EYS: variants seen among roughly 807,000 people sequenced by gnomAD.
The protein encoded by EYS is protein eyes shut homolog.
A neutral mutation model predicts 282.1 loss-of-function variants in EYS; 250 were observed. That is an observed-to-expected ratio of 0.89 (90% confidence interval 0.80 to 0.98). The LOEUF (loss-of-function observed/expected upper bound fraction) is 0.98, where lower values mean the gene tolerates loss of function less well. EYS is among the 50% of genes least tolerant of loss of function. The pLI, the probability that EYS is intolerant of heterozygous loss-of-function variation, is 0.00. For synonymous variants in EYS, 1,355 were observed against 1,282.9 expected, an observed-to-expected ratio of 1.06 and a Z score of -1.20; for missense variants, 4,016 against 3,709.0, an observed-to-expected ratio of 1.08 and a Z score of -2.15.
chr6:65,325,295 A>G (rs1009172488), intron 11 of EYS, among the ~76,000 whole-genome samples: 9 of 152,162 alleles, frequency 5.9e-5, no homozygotes, highest in African/African-American at 2.2e-4. Flanking sequence ...TGGTGAGGAT[A>G]GAGACAGCAA....
At chr6:64,669,739 A>G (rs1769376937) in intron 22 of EYS, among the ~76,000 whole-genome samples, 1 of 152,166 alleles carries the variant, frequency 6.6e-6, no homozygotes, top group Non-Finnish European at 1.5e-5. Flanking sequence ...TTATTTTCAG[A>G]ATGTTGAGAG....
chr6:65,677,155 G>C (rs1768645346), intron 1 of EYS, among the ~76,000 whole-genome samples: 1 of 145,842 alleles, frequency 6.9e-6, no homozygotes, highest in Non-Finnish European at 1.5e-5. Flanking sequence ...GTAAGATCAG[G>C]GATAAGGCAA....
At chr6:65,060,193 A>G (rs1427377863) in intron 12 of EYS, among the ~76,000 whole-genome samples, 1 of 151,682 alleles carries the variant, frequency 6.6e-6, no homozygotes, top group East Asian at 1.9e-4. Flanking sequence ...ATGATCTTAG[A>G]CATCAGGAGG....
At chr6:65,063,735 A>AT (rs1005702744) in intron 12 of EYS, among the ~76,000 whole-genome samples, 1 of 151,934 alleles carries the variant, frequency 6.6e-6, no homozygotes, top group Non-Finnish European at 1.5e-5. Context: ...TGTTATTCAA[A>AT]TTTTTTTCTT....
chr6:64,769,984 T>C (rs187442348), intron 22 of EYS, among the ~76,000 whole-genome samples: 252 of 152,092 alleles, frequency 1.7e-3, no homozygotes, highest in Middle Eastern at 6.8e-3. Flanking sequence ...AATATAAATA[T>C]TCATTTATTA....
chr6:64,602,757 G>A (rs1314503053), intron 24 of EYS, among the ~76,000 whole-genome samples: 1 of 151,940 alleles, frequency 6.6e-6, no homozygotes, highest in Non-Finnish European at 1.5e-5. Context: ...CCCCTTTTCC[G>A]AGATCTTTCA....
At chr6:65,206,148 C>T (rs1408272544) in intron 12 of EYS, among the ~76,000 whole-genome samples, 3 of 151,108 alleles carry the variant, frequency 2.0e-5, no homozygotes, top group Non-Finnish European at 4.4e-5. Flanking sequence ...GATAGTTTAA[C>T]CAAAAAAAGA....
At chr6:65,594,961 A>T (rs1254899685) in intron 2 of EYS, among the ~76,000 whole-genome samples, 1 of 152,034 alleles carries the variant, frequency 6.6e-6, no homozygotes, top group Non-Finnish European at 1.5e-5. Context: ...TTTGCCAAAG[A>T]TCAGGTGGTT....
chr6:64,214,099 T>C (rs1765860632), intron 31 of EYS, among the ~76,000 whole-genome samples: 2 of 152,168 alleles, frequency 1.3e-5, no homozygotes, highest in Non-Finnish European at 2.9e-5. Context: ...TCTTAAGTTT[T>C]AACCTAGAAA....
At chr6:64,088,129 A>T (rs1772222076) in intron 31 of EYS, among the ~76,000 whole-genome samples, 1 of 152,086 alleles carries the variant, frequency 6.6e-6, no homozygotes. Context: ...CACCGTGTTT[A>T]GTGGATATGT....
intron 26 of EYS, among the ~76,000 whole-genome samples, chr6:64,511,861 T>G (rs931925052): frequency 1.3e-5 from 2 of 152,054 alleles, no homozygotes; most frequent in African/African-American, 2.4e-5. Context: ...GAACTTAGTT[T>G]TGAAAATCAG....
At chr6:63,760,696 CTA>C (rs1769615954) in intron 41 of EYS, among the ~76,000 whole-genome samples, 1 of 136,394 alleles carries the variant, frequency 7.3e-6, no homozygotes, top group South Asian at 2.3e-4. Context: ...ATCTATCTAT[CTA>C]TCTAATCTTC....
At chr6:65,324,692 T>C (rs1185802192) in intron 11 of EYS, among the ~76,000 whole-genome samples, 1 of 152,220 alleles carries the variant, frequency 6.6e-6, no homozygotes, top group Non-Finnish European at 1.5e-5. Flanking sequence ...TGATTGTACA[T>C]AAGTAACCTG....
At chr6:64,086,640 A>C (rs141577071) in intron 31 of EYS, among the ~76,000 whole-genome samples, 1,663 of 152,194 alleles carry the variant, frequency 0.011, 25 homozygotes, top group African/African-American at 0.038. Flanking sequence ...ATTCTCCCAA[A>C]TTTGAACTCC....
chr6:64,505,746 A>T (rs528442946), intron 26 of EYS, among the ~76,000 whole-genome samples: 3 of 152,368 alleles, frequency 2.0e-5, no homozygotes, highest in African/African-American at 7.2e-5. Context: ...CAACTTTAAG[A>T]ATCTAAATAT....
intron 29 of EYS, among the ~76,000 whole-genome samples, chr6:64,374,543 G>A (rs931254668): frequency 6.6e-6 from 1 of 152,118 alleles, no homozygotes; most frequent in Admixed American, 6.5e-5. Context: ...TGTTTTCCTA[G>A]CTCCATGCTG....
At chr6:65,620,852 G>A (rs1766451178) in intron 2 of EYS, among the ~76,000 whole-genome samples, 1 of 152,170 alleles carries the variant, frequency 6.6e-6, no homozygotes, top group African/African-American at 2.4e-5. Context: ...TTTCCATGTA[G>A]TTGAGCAGTT....
At chr6:64,372,538 T>C (rs1326920294) in intron 29 of EYS, among the ~76,000 whole-genome samples, 1 of 151,906 alleles carries the variant, frequency 6.6e-6, no homozygotes, top group Non-Finnish European at 1.5e-5. Flanking sequence ...TTCTTGGGGA[T>C]GGTGTAGTAT....
chr6:65,655,997 A>T (rs1767808640), intron 1 of EYS, among the ~76,000 whole-genome samples: 1 of 151,778 alleles, frequency 6.6e-6, no homozygotes, highest in African/African-American at 2.4e-5. Flanking sequence ...CGTAATTCTC[A>T]CCATATTTCA....
Sources: gnomAD v4.1 joint callset for allele counts (sites outside exome capture counted in the v4.1 genomes callset) on GRCh38, gnomAD v4.1.1 for gene constraint, MANE v1.5 for transcripts, NCBI Gene and HGNC (gene_info 2026-07-23, HGNC 2026-07-21) for gene names.